The following DNA2 variants were observed in gnomAD, a reference collection of about 807,000 sequenced individuals.
DNA2 encodes the protein DNA replication ATP-dependent helicase/nuclease DNA2.
In DNA2, 101 loss-of-function variants were observed where a neutral mutation model predicts 119.1. The ratio of observed to expected loss-of-function variants is 0.85; its 90% CI spans 0.72 to 1.00. DNA2 has a LOEUF of 1.00. Among genes scored for constraint, DNA2 ranks in the 50% least tolerant of loss-of-function variants. DNA2 has a pLI of 0.00. For synonymous variants in DNA2, 366 were observed against 424.4 expected (o/e 0.86, Z 1.69); for missense variants, 1,121 against 1,255.5 (o/e 0.89, Z 1.62).
At chr10:68,424,013 T>A (rs567959374) in intron 14 of DNA2, among the ~76,000 whole-genome samples, 1 of 152,126 alleles carries the variant, frequency 6.6e-6, no homozygotes, top group Non-Finnish European at 1.5e-5. Flanking sequence ...TCAAACTCAA[T>A]GAAAACAGAT....
intron 5 of DNA2, among the ~76,000 whole-genome samples, chr10:68,458,779 C>T (rs1252760187): frequency 1.3e-5 from 2 of 151,902 alleles, no homozygotes; most frequent in African/African-American, 4.8e-5. Flanking sequence ...ACCTGGGAGG[C>T]GGAGGTTGCC....
chr10:68,421,427 ACCT>A (rs891541130), intron 17 of DNA2, among the ~76,000 whole-genome samples: 1 of 151,426 alleles, frequency 6.6e-6, no homozygotes, highest in Non-Finnish European at 1.5e-5. Flanking sequence ...TCCAGAATAA[ACCT>A]CCTCCAAAAA....
At position 68,446,276 on chromosome 10, in the gene DNA2, T is replaced by A. The variant is rs1258541493; in HGVS notation, c.1057+20A>T. 3 of 1,226,698 alleles carry A rather than the reference T, an allele frequency of 2.4e-6. No homozygotes were observed. Among genetic ancestry groups the A allele is most frequent in the Admixed American group, 4.9e-5 (2 of 40,980 alleles). The allele number at this position is 1,226,698 out of a possible 1,614,324, so 76.0% of individuals were successfully genotyped here. ...GGGGGGGTGGGCAAAGAAGTAAAACTAAAAAAAAAACGGCTCAACCTCTTT... is the reference window on the plus strand; with the variant it reads ...GGGGGGGTGGGCAAAGAAGTAAAACAAAAAAAAAAACGGCTCAACCTCTTT... On this transcript the variant is annotated intron_variant, in intron 7 of 20. Transcript: ENST00000358410.
rs554692143 is a variant in DNA2, at chr10:68,430,667, A to G, written c.1984-7T>C. 6.5e-7 allele frequency: 1 copy of G among 1,533,970 alleles called. No individual in the cohort carries two copies. The highest frequency in any genetic ancestry group is 1.2e-5 in the South Asian group (1 of 80,360). On this transcript the variant is annotated splice_region_variant and splice_polypyrimidine_tract_variant and intron_variant, in intron 13 of 20. Coordinates refer to ENST00000358410, the MANE Select transcript of DNA2 (RefSeq NM_001080449.3). ...AGGCGTAGAGAATTCTTACCTAATA[A>G]TGGGTAAGAGAAAAAAGAAAAAACA...
At chr10:68,424,839 A>G in intron 14 of DNA2, 2 of 851,326 alleles carry the variant, frequency 2.3e-6, no homozygotes, top group East Asian at 4.9e-5. Context: ...CAACAGCACA[A>G]CCGTCCACGT....
chr10:68,453,024 C>T (rs2052140563), intron 5 of DNA2, among the ~76,000 whole-genome samples: 1 of 151,736 alleles, frequency 6.6e-6, no homozygotes, highest in Non-Finnish European at 1.5e-5. Context: ...TTTCAGGCTC[C>T]CGAGTAGCTG....
At chr10:68,437,932 G>A (rs570962555) in intron 9 of DNA2, among the ~76,000 whole-genome samples, 5 of 152,030 alleles carry the variant, frequency 3.3e-5, no homozygotes, top group East Asian at 2.0e-4. Flanking sequence ...GGCTGGATTC[G>A]GACCCCTGGA....
At chr10:68,444,874 G>T in intron 8 of DNA2, 47 bp downstream of exon 8, 2 of 1,460,562 alleles carry the variant, frequency 1.4e-6, no homozygotes, top group Non-Finnish European at 1.9e-6. Context: ...GTATTTAGTT[G>T]AGTTCATACT....
chr10:68,457,575 T>C (rs2052201068), intron 5 of DNA2, among the ~76,000 whole-genome samples: 1 of 152,092 alleles, frequency 6.6e-6, no homozygotes, highest in Non-Finnish European at 1.5e-5. Flanking sequence ...GTATAGAAAC[T>C]CCACAAAGTA....
chr10:68,451,096 TAAAAAAA>T (rs754298528), intron 5 of DNA2, among the ~76,000 whole-genome samples: 4 of 98,840 alleles, frequency 4.0e-5, no homozygotes, highest in Non-Finnish European at 8.3e-5. Flanking sequence ...CAAGACTGTC[TAAAAAAA>T]AAAAAAAAAA....
chr10:68,425,519 A>C (rs1340679778), intron 14 of DNA2, among the ~76,000 whole-genome samples: 1 of 151,022 alleles, frequency 6.6e-6, no homozygotes, highest in Non-Finnish European at 1.5e-5. Context: ...CTCCTGCCTC[A>C]GCCTCCCAAG....
At position 68,422,210 on chromosome 10, in the gene DNA2, AAT is replaced by A. The variant is rs1491322936; in HGVS notation, c.2697+13_2697+14del. The A allele has an allele frequency of 1.0e-4, 151 of 1,513,274 alleles. 1 individual carries two copies. The African/African-American group carries it at 2.1e-3, about 21-fold the overall frequency. 93.7% of individuals were successfully genotyped at this position (1,513,274 alleles called of 1,614,324 possible). A position where few individuals can be genotyped will look rare whatever the true frequency, so the allele number is the denominator to read the frequency against. ...GACAAAATGAGAAAAACTAAACAGA[AAT>A]TTTTTTTTTTACCTTGTCTGTATTA... On this transcript the variant is annotated intron_variant, in intron 17 of 20. Coordinates refer to ENST00000358410, the MANE Select transcript of DNA2 (RefSeq NM_001080449.3).
chr10:68,457,523 C>A (rs921726643), intron 5 of DNA2, among the ~76,000 whole-genome samples: 3 of 152,108 alleles, frequency 2.0e-5, no homozygotes, highest in Admixed American at 1.3e-4. Context: ...TTCGGCACTG[C>A]ATTAATCACA....
upstream of DNA2, chr10:68,472,047 C>A (rs764196218): frequency 6.2e-7 from 1 of 1,602,422 alleles, no homozygotes; most frequent in East Asian, 2.3e-5. Context: ...CACGTGGGGC[C>A]CCTCACCTGA....
intron 13 of DNA2, 36 bp downstream of exon 13, chr10:68,431,826 A>C: frequency 1.4e-6 from 2 of 1,417,990 alleles, no homozygotes; most frequent in Non-Finnish European, 2.0e-6. Context: ...GCTGATACAA[A>C]TATTTTGTCT....
chr10:68,445,599 A>T (rs1215651453), intron 7 of DNA2, among the ~76,000 whole-genome samples: 1 of 152,112 alleles, frequency 6.6e-6, no homozygotes, highest in Non-Finnish European at 1.5e-5. Context: ...GAATAACAAC[A>T]TTTTGGTACA....
At chr10:68,448,566 C>G (rs1254479670) in intron 6 of DNA2, among the ~76,000 whole-genome samples, 1 of 151,958 alleles carries the variant, frequency 6.6e-6, no homozygotes, top group Non-Finnish European at 1.5e-5. Context: ...TTTTTTAAGC[C>G]TTGTTCTAGC....
rs71009059 is a variant in DNA2, at chr10:68,420,699, A to AT, written c.2698-808dup. Among the ~76,000 whole-genome samples the AT allele has an allele frequency of 7.4e-3, 1,038 of 139,766 alleles. 5 individuals are homozygous for AT. The highest frequency in any genetic ancestry group is 0.012 in the Middle Eastern group (3 of 260). The allele number at this position is 139,766 out of a possible 152,430, so 91.7% of individuals were successfully genotyped here. ...CCTACATCATCCCTAAGCAATCTTGATTTTTTTTTTTTTTTTCTGAGACAC... is the reference window on the plus strand; with the variant it reads ...CCTACATCATCCCTAAGCAATCTTGATTTTTTTTTTTTTTTTTCTGAGACAC... On this transcript the variant is annotated intron_variant, in intron 17 of 20. Transcript: ENST00000358410.
chr10:68,420,488 C>T (rs1396922612), intron 17 of DNA2, among the ~76,000 whole-genome samples: 1 of 152,116 alleles, frequency 6.6e-6, no homozygotes, highest in African/African-American at 2.4e-5. Context: ...AGTGAGCTGA[C>T]ACAGTGTCAT....
Sources: allele counts gnomAD v4.1 joint callset (sites outside exome capture counted in the v4.1 genomes callset), GRCh38; gene constraint gnomAD v4.1.1; transcripts MANE v1.5; gene names NCBI Gene and HGNC (gene_info 2026-07-23, HGNC 2026-07-21).